The following TBL1X variants were observed in gnomAD, a reference collection of about 807,000 sequenced individuals.
TBL1X encodes the protein F-box-like/WD repeat-containing protein TBL1X.
Under a neutral mutation model 50.7 loss-of-function variants are expected in TBL1X, and 10 were observed. That is an observed-to-expected ratio of 0.20 (90% CI 0.12 to 0.33). TBL1X has a LOEUF of 0.33. Ranked by LOEUF, TBL1X falls within the 10% of genes least tolerant of loss-of-function variation. The pLI is 1.00. For missense variants in TBL1X, 340 were observed against 504.4 expected (o/e 0.67, Z 3.12); for synonymous variants, 190 against 214.7 (o/e 0.88, Z 1.01).
rs770514256 is a variant in TBL1X at position 9,635,765 on chromosome X, C to T, written c.-130-4508C>T. 1.2e-3 allele frequency among the ~76,000 whole-genome samples: 137 copies of T among 112,200 alleles called. 2 individuals are homozygous for T. Among genetic ancestry groups the T allele is most frequent in the African/African-American group, 3.4e-3 (106 of 30,863 alleles). ...GGCTCTCTCCAGCTTGGCCTCCCTC[C>T]GCCCATCCTGTGCACCTTTCATTCC... On this transcript the variant is annotated intron_variant, in intron 2 of 17. Transcript: ENST00000645353.
intron 1 of TBL1X, among the ~76,000 whole-genome samples, chrX:9,501,444 T>C (rs1216061731): frequency 9.0e-6 from 1 of 111,704 alleles, no homozygotes; most frequent in Non-Finnish European, 1.9e-5. Context: ...ATGATTGAGT[T>C]TGGGCCTCAG....
intron 11 of TBL1X, among the ~76,000 whole-genome samples, chrX:9,696,852 A>ATG (rs1317859305): frequency 8.9e-6 from 1 of 112,574 alleles, no homozygotes; most frequent in African/African-American, 3.2e-5. Flanking sequence ...AAACCCATTT[A>ATG]TGCCTAGTTT....
chrX:9,659,755 G>A (rs188205305), intron 5 of TBL1X, among the ~76,000 whole-genome samples: 1 of 112,075 alleles, frequency 8.9e-6, no homozygotes, highest in Non-Finnish European at 1.9e-5. Flanking sequence ...GACGTGAGTT[G>A]AGTCACAGAA....
chrX:9,697,263 T>C (rs746219569), intron 11 of TBL1X, 106 bp from the exon 12 acceptor site: 32 of 1,030,949 alleles, frequency 3.1e-5, no homozygotes, highest in South Asian at 1.7e-4. Context: ...TATTGGACAG[T>C]GCCGGTTTAT....
chrX:9,500,276 CAAAAAAA>C (rs386416596), intron 1 of TBL1X, among the ~76,000 whole-genome samples: 1 of 39,771 alleles, frequency 2.5e-5, no homozygotes, highest in South Asian at 2.5e-3. Flanking sequence ...GACCCTGTCT[CAAAAAAA>C]AAAAAAAAAA....
chrX:9,666,404 A>G (rs930573011), intron 5 of TBL1X, among the ~76,000 whole-genome samples: 5 of 111,903 alleles, frequency 4.5e-5, no homozygotes, highest in Non-Finnish European at 1.9e-5. Context: ...TAATGTTCCT[A>G]TTAGTTGACT....
chrX:9,531,428 T>G (rs2082161352), intron 2 of TBL1X, among the ~76,000 whole-genome samples: 1 of 104,800 alleles, frequency 9.5e-6, no homozygotes, highest in African/African-American at 3.5e-5. Flanking sequence ...GTGGGGTTTT[T>G]TTGCCTTATA....
intron 5 of TBL1X, among the ~76,000 whole-genome samples, chrX:9,660,861 C>T (rs1272781396): frequency 8.9e-6 from 1 of 112,347 alleles, no homozygotes; most frequent in Non-Finnish European, 1.9e-5. Flanking sequence ...TGTTTCTGTT[C>T]CCCCGAATTC....
At chrX:9,484,592 C>T (rs960125374) in intron 1 of TBL1X, among the ~76,000 whole-genome samples, 4 of 111,350 alleles carry the variant, frequency 3.6e-5, no homozygotes, top group African/African-American at 1.3e-4. Context: ...GTCACTAACT[C>T]ATTCCTCTAT....
chrX:9,470,634 T>C (rs758834040), intron 1 of TBL1X, among the ~76,000 whole-genome samples: 4 of 111,876 alleles, frequency 3.6e-5, no homozygotes, highest in Non-Finnish European at 7.5e-5. Context: ...AATGTCGTGT[T>C]TTTGTTTTTG....
At chrX:9,658,809 T>C (rs905053971) in intron 5 of TBL1X, among the ~76,000 whole-genome samples, 14 of 111,371 alleles carry the variant, frequency 1.3e-4, no homozygotes, top group Non-Finnish European at 2.1e-4. Context: ...ATTTTGTTTT[T>C]TGAGACTCAC....
At chrX:9,706,620 C>T (rs1363472802) in intron 13 of TBL1X, among the ~76,000 whole-genome samples, 1 of 111,691 alleles carries the variant, frequency 9.0e-6, no homozygotes, top group East Asian at 2.8e-4. Flanking sequence ...GCTGACTTAG[C>T]AAATTCCTTA....
At chrX:9,578,448 A>G (rs1171795325) in intron 2 of TBL1X, among the ~76,000 whole-genome samples, 1 of 111,545 alleles carries the variant, frequency 9.0e-6, no homozygotes, top group Non-Finnish European at 1.9e-5. Flanking sequence ...ACGTGCTGTC[A>G]GTGTTGCAAT....
chrX:9,477,857 C>T, intron 1 of TBL1X, among the ~76,000 whole-genome samples: 1 of 111,686 alleles, frequency 9.0e-6, no homozygotes, highest in Admixed American at 9.5e-5. Flanking sequence ...CACGGGCCAC[C>T]ATGAATATCC....
intron 1 of TBL1X, among the ~76,000 whole-genome samples, 187 bp downstream of exon 1, chrX:9,465,634 G>A (rs1407331328): frequency 8.9e-6 from 1 of 112,697 alleles, no homozygotes; most frequent in African/African-American, 3.2e-5. Context: ...GGTGCGGCGC[G>A]CTCCCAGGAG....
chrX:9,593,274 C>T (rs1239023459), intron 2 of TBL1X, among the ~76,000 whole-genome samples: 1 of 109,248 alleles, frequency 9.2e-6, no homozygotes, highest in African/African-American at 3.3e-5. Flanking sequence ...TGACGGTGGG[C>T]GCCTATAATC....
At position 9,515,032 on chromosome X, in the gene TBL1X, CAT is replaced by C. The variant is rs1030649648; in HGVS notation, c.-131+13184_-131+13185del. 5.4e-5 allele frequency among the ~76,000 whole-genome samples: 6 copies of C among 111,023 alleles called. No homozygotes were observed. In the Admixed American group the frequency reaches 5.7e-4, roughly 11 times the overall value. ...GTTAAAATGTGATGTGTGTACCGCT[CAT>C]GTGTGTATGGGGTGTGCTCCTTTTG... is the stretch of plus-strand genomic sequence containing the variant. On this transcript the variant is annotated intron_variant, in intron 2 of 17. Transcript: ENST00000645353.
chrX:9,505,285 C>G (rs901612866), intron 2 of TBL1X, among the ~76,000 whole-genome samples: 4 of 112,031 alleles, frequency 3.6e-5, no homozygotes, highest in Non-Finnish European at 7.5e-5. Flanking sequence ...CCTGCAATGT[C>G]TCCTGAAAGA....
At chrX:9,556,967 C>G (rs1222715216) in intron 2 of TBL1X, among the ~76,000 whole-genome samples, 1 of 111,259 alleles carries the variant, frequency 9.0e-6, no homozygotes, top group Non-Finnish European at 1.9e-5. Flanking sequence ...TGAACCACTT[C>G]TGTTAAAACC....
Sources: allele counts gnomAD v4.1 joint callset (sites outside exome capture counted in the v4.1 genomes callset), GRCh38; gene constraint gnomAD v4.1.1; transcripts MANE v1.5; gene names NCBI Gene and HGNC (gene_info 2026-07-23, HGNC 2026-07-21).